TSHZ2: variants seen among roughly 807,000 people sequenced by gnomAD.
The protein encoded by TSHZ2 is teashirt zinc finger homeobox 2.
Under a neutral mutation model 74.4 loss-of-function variants are expected in TSHZ2, and 21 were observed. The ratio of observed to expected loss-of-function variants is 0.28; its 90% CI spans 0.20 to 0.41. The LOEUF (loss-of-function observed/expected upper bound fraction) is 0.41, where lower values mean the gene tolerates loss of function less well. Among genes scored for constraint, TSHZ2 ranks in the 10% least tolerant of loss-of-function variants. The pLI, the probability that TSHZ2 is intolerant of heterozygous loss-of-function variation, is 1.00. For synonymous variants in TSHZ2, 540 were observed against 515.3 expected (o/e 1.05, Z -0.65); for missense variants, 1,244 against 1,293.5 (o/e 0.96, Z 0.59).
At chr20:53,358,726 A>G (rs932867326) in intron 2 of TSHZ2, among the ~76,000 whole-genome samples, 6 of 152,202 alleles carry the variant, frequency 3.9e-5, no homozygotes, top group Admixed American at 3.9e-4. Context: ...ATAAAATGGC[A>G]AGTTAGATTT....
intron 1 of TSHZ2, among the ~76,000 whole-genome samples, chr20:53,073,833 TG>T (rs1985282382): frequency 6.6e-6 from 1 of 152,236 alleles, no homozygotes; most frequent in Non-Finnish European, 1.5e-5. Context: ...GAGACATGCA[TG>T]TTTAATTATA....
At chr20:53,275,660 G>T (rs1990930325) in intron 2 of TSHZ2, among the ~76,000 whole-genome samples, 1 of 152,182 alleles carries the variant, frequency 6.6e-6, no homozygotes, top group South Asian at 2.1e-4. Flanking sequence ...GGGCACGCTG[G>T]CTCATGCCTA....
chr20:53,175,102 T>G (rs1228061417), intron 1 of TSHZ2, among the ~76,000 whole-genome samples: 3 of 151,222 alleles, frequency 2.0e-5, no homozygotes, highest in Non-Finnish European at 4.4e-5. Flanking sequence ...CTGGGCTTTT[T>G]CTTCTCCTTC....
chr20:53,143,447 A>G (rs1568780449), intron 1 of TSHZ2, among the ~76,000 whole-genome samples: 1 of 152,136 alleles, frequency 6.6e-6, no homozygotes, highest in Non-Finnish European at 1.5e-5. Flanking sequence ...TAATCCCAGC[A>G]CTTTGGGAGG....
At chr20:53,069,662 TACACAC>T (rs11471151) in intron 1 of TSHZ2, among the ~76,000 whole-genome samples, 7,418 of 138,844 alleles carry the variant, frequency 0.053, 263 homozygotes, top group East Asian at 0.1. Flanking sequence ...AATGCTTTGA[TACACAC>T]ACACACACAC....
intron 2 of TSHZ2, among the ~76,000 whole-genome samples, chr20:53,317,024 C>T (rs186169351): frequency 3.3e-5 from 5 of 152,028 alleles, no homozygotes; most frequent in Non-Finnish European, 7.4e-5. Context: ...AAGCAAATAC[C>T]CCTGAGAGCA....
intron 2 of TSHZ2, among the ~76,000 whole-genome samples, chr20:53,324,368 G>GGTTTT (rs1378982513): frequency 6.6e-6 from 1 of 151,850 alleles, no homozygotes; most frequent in Non-Finnish European, 1.5e-5. Context: ...TTTTGTTTTT[G>GGTTTT]GTTTTGTTTT....
intron 1 of TSHZ2, among the ~76,000 whole-genome samples, chr20:53,179,724 C>G (rs887442149): frequency 6.6e-6 from 1 of 152,172 alleles, no homozygotes. Context: ...GCACTGCTTC[C>G]TGGATATCTG....
chr20:53,409,597 T>C (rs138685671), intron 2 of TSHZ2, among the ~76,000 whole-genome samples: 1 of 152,226 alleles, frequency 6.6e-6, no homozygotes, highest in African/African-American at 2.4e-5. Context: ...CAGGATGTTG[T>C]TTGATAAAAG....
intron 1 of TSHZ2, among the ~76,000 whole-genome samples, chr20:53,150,147 C>T (rs1987642503): frequency 6.6e-6 from 1 of 152,166 alleles, no homozygotes; most frequent in Non-Finnish European, 1.5e-5. Flanking sequence ...GTCATTGAAG[C>T]ACAGAGAGGT....
chr20:53,161,013 A>G (rs1265217717), intron 1 of TSHZ2, among the ~76,000 whole-genome samples: 1 of 141,366 alleles, frequency 7.1e-6, no homozygotes, highest in East Asian at 2.1e-4. Flanking sequence ...TACAGAGGGG[A>G]AAGAAACAGC....
Position 53,101,627 on chromosome 20 carries a change from A to G in TSHZ2, c.40+128294A>G, listed in dbSNP as rs993270164. The stretch of plus-strand genomic sequence containing the variant: ...CTCCTGGGTTCTCTAGCACATCTCA[A>G]TTGGCTTTCTTCCTCTTTTTTATTA... On this transcript the variant is annotated intron_variant, in intron 1 of 2. Coordinates refer to ENST00000371497, the MANE Select transcript of TSHZ2 (RefSeq NM_173485.6). Among the ~76,000 whole-genome samples, 5 of 152,204 alleles carry G rather than the reference A, an allele frequency of 3.3e-5. No individual in the cohort carries two copies. The East Asian group carries it at 5.8e-4, about 18-fold the overall frequency.
At chr20:53,232,386 C>A (rs1186429638) in intron 1 of TSHZ2, among the ~76,000 whole-genome samples, 2 of 152,150 alleles carry the variant, frequency 1.3e-5, no homozygotes, top group Non-Finnish European at 2.9e-5. Flanking sequence ...CAGAAGGACC[C>A]AGACTGATAA....
intron 1 of TSHZ2, among the ~76,000 whole-genome samples, chr20:53,130,025 C>T (rs1485802453): frequency 6.6e-6 from 1 of 151,534 alleles, no homozygotes; most frequent in Non-Finnish European, 1.5e-5. Context: ...CTTACTAATT[C>T]CCATAAAGGG....
chr20:53,100,969 G>A lies in TSHZ2; in HGVS notation c.40+127636G>A, dbSNP rs868378598. Among the ~76,000 whole-genome samples the A allele has an allele frequency of 1.5e-4, 23 of 152,194 alleles. No homozygotes were observed. In the South Asian group the frequency reaches 1.9e-3, roughly 12 times the overall value. Reference sequence around the variant, plus strand: ...TGGTCCAATCTTAATAGTGGGGCAGGTGGGGGAGAGATGCAAAGCAGGGGT... The same window carrying A: ...TGGTCCAATCTTAATAGTGGGGCAGATGGGGGAGAGATGCAAAGCAGGGGT... On this transcript the variant is annotated intron_variant, in intron 1 of 2. Transcript: ENST00000371497.
At chr20:53,001,240 G>GTGTGTGTGTGTGTA (rs1568713616) in intron 1 of TSHZ2, among the ~76,000 whole-genome samples, 25 of 149,890 alleles carry the variant, frequency 1.7e-4, no homozygotes, top group Non-Finnish European at 3.1e-4. Flanking sequence ...GTGTGTGTGT[G>GTGTGTGTGTGTGTA]TGTGTGTGTG....
At chr20:53,181,748 CGTG>C (rs1389229109) in intron 1 of TSHZ2, among the ~76,000 whole-genome samples, 4 of 151,988 alleles carry the variant, frequency 2.6e-5, no homozygotes, top group Non-Finnish European at 5.9e-5. Context: ...ATTAGCCGGG[CGTG>C]GTGGTGGGCG....
chr20:53,347,596 T>TAAG (rs933539395), intron 2 of TSHZ2, among the ~76,000 whole-genome samples: 3 of 151,706 alleles, frequency 2.0e-5, no homozygotes, highest in Admixed American at 6.6e-5. Context: ...CAATAAACCA[T>TAAG]AAGCTACATA....
At chr20:53,296,408 G>A (rs140490800) in intron 2 of TSHZ2, among the ~76,000 whole-genome samples, 2,445 of 152,196 alleles carry the variant, frequency 0.016, 16 homozygotes, top group Non-Finnish European at 0.024. Flanking sequence ...TCAATATGCT[G>A]GCAATTTCCA....
Sources: gnomAD v4.1 joint callset for allele counts (sites outside exome capture counted in the v4.1 genomes callset) on GRCh38, gnomAD v4.1.1 for gene constraint, MANE v1.5 for transcripts, NCBI Gene and HGNC (gene_info 2026-07-23, HGNC 2026-07-21) for gene names.